Variants in PSD3 observed in about 807,000 individuals in gnomAD.
The protein encoded by PSD3 is PH and SEC7 domain-containing protein 3.
In PSD3, 49 loss-of-function variants were observed where a neutral mutation model predicts 105.5. The ratio of observed to expected loss-of-function variants is 0.46; its 90% confidence interval spans 0.37 to 0.59. PSD3 has a LOEUF of 0.59. Ranked by LOEUF, PSD3 falls within the 20% of genes least tolerant of loss-of-function variation. The pLI, the probability that PSD3 is intolerant of heterozygous loss-of-function variation, is 0.00. For missense variants in PSD3, 1,561 were observed against 1,263.8 expected (o/e 1.24, Z -3.57); for synonymous variants, 557 against 457.8 (o/e 1.22, Z -2.77).
At chr8:18,807,852 T>C (rs1563295368) in intron 4 of PSD3, among the ~76,000 whole-genome samples, 1 of 152,190 alleles carries the variant, frequency 6.6e-6, no homozygotes, top group Non-Finnish European at 1.5e-5. Flanking sequence ...AAACCTGTAA[T>C]CCCTGCACAC....
At chr8:18,556,541 G>A (rs1801085997) in intron 14 of PSD3, among the ~76,000 whole-genome samples, 189 bp from the exon 15 acceptor site, 1 of 152,222 alleles carries the variant, frequency 6.6e-6, no homozygotes. Context: ...TCCTTCCCGG[G>A]ATGGCAATCA....
intron 1 of PSD3, among the ~76,000 whole-genome samples, chr8:19,078,957 TC>T (rs1034483817): frequency 3.3e-5 from 5 of 151,820 alleles, no homozygotes; most frequent in Admixed American, 6.6e-5. Flanking sequence ...AGCCCCTGTG[TC>T]CCAGCTCCCA....
At chr8:18,677,512 T>G (rs889008558) in intron 9 of PSD3, among the ~76,000 whole-genome samples, 1 of 152,198 alleles carries the variant, frequency 6.6e-6, no homozygotes, top group African/African-American at 2.4e-5. Flanking sequence ...GCCATTGCAC[T>G]CTGGCCTAGA....
chr8:18,698,582 G>A (rs1325460162), intron 9 of PSD3, among the ~76,000 whole-genome samples: 1 of 152,092 alleles, frequency 6.6e-6, no homozygotes, highest in African/African-American at 2.4e-5. Flanking sequence ...TTCTCCCCTC[G>A]AGCCTCCAGA....
chr8:18,598,704 T>G (rs1179365370), intron 12 of PSD3, among the ~76,000 whole-genome samples: 2 of 152,120 alleles, frequency 1.3e-5, no homozygotes, highest in Non-Finnish European at 2.9e-5. Context: ...TCAGCAAAGT[T>G]GCAGGATACA....
intron 1 of PSD3, among the ~76,000 whole-genome samples, chr8:19,080,065 T>A (rs1829593968): frequency 1.3e-5 from 2 of 152,108 alleles, no homozygotes; most frequent in Non-Finnish European, 2.9e-5. Flanking sequence ...AATTTTTATA[T>A]TTCTAGTAGA....
intron 1 of PSD3, among the ~76,000 whole-genome samples, chr8:19,058,168 G>C (rs73589538): frequency 6.6e-6 from 1 of 152,134 alleles, no homozygotes. Context: ...GAGATTTGCT[G>C]AGTGAAAGAA....
intron 1 of PSD3, among the ~76,000 whole-genome samples, chr8:18,967,870 G>A (rs1236949402): frequency 1.3e-5 from 2 of 152,200 alleles, no homozygotes; most frequent in African/African-American, 2.4e-5. Flanking sequence ...CTTTTTCCAA[G>A]TGCTCAGAAT....
At chr8:18,974,512 C>T (rs1824822478) in intron 1 of PSD3, among the ~76,000 whole-genome samples, 1 of 152,142 alleles carries the variant, frequency 6.6e-6, no homozygotes, top group Non-Finnish European at 1.5e-5. Context: ...CTTTCCACTA[C>T]CAAATCCTGT....
chr8:18,889,879 A>C (rs1165029510), intron 2 of PSD3, among the ~76,000 whole-genome samples: 1 of 152,238 alleles, frequency 6.6e-6, no homozygotes, highest in East Asian at 1.9e-4. Context: ...ATGTATTTCC[A>C]GACTCGAAAG....
At chr8:18,565,739 G>A (rs1302938802) in intron 14 of PSD3, among the ~76,000 whole-genome samples, 1 of 152,068 alleles carries the variant, frequency 6.6e-6, no homozygotes, top group Non-Finnish European at 1.5e-5. Context: ...GGAGTATGGG[G>A]AAAAAAAGAT....
chr8:18,785,804 A>G (rs1809087197), intron 8 of PSD3, among the ~76,000 whole-genome samples: 1 of 152,152 alleles, frequency 6.6e-6, no homozygotes, highest in African/African-American at 2.4e-5. Context: ...TAATTTCAAT[A>G]CTGTTGTGTC....
chr8:18,662,067 C>T (rs555580417), intron 9 of PSD3, among the ~76,000 whole-genome samples: 19 of 151,714 alleles, frequency 1.3e-4, no homozygotes, highest in Admixed American at 1.1e-3. Flanking sequence ...AAATCTGTAT[C>T]TCGGGCAATT....
chr8:18,767,967 T>C (rs1374473368), intron 8 of PSD3, among the ~76,000 whole-genome samples: 9 of 151,204 alleles, frequency 6.0e-5, no homozygotes, highest in African/African-American at 1.7e-4. Flanking sequence ...CTTCTGGAGA[T>C]AGACTTTTAA....
At chr8:18,980,493 AATCTTTT>A (rs1825196718) in intron 1 of PSD3, among the ~76,000 whole-genome samples, 1 of 152,114 alleles carries the variant, frequency 6.6e-6, no homozygotes, top group African/African-American at 2.4e-5. Context: ...TCAGTCTGAC[AATCTTTT>A]ATCTTTTAAT....
intron 1 of PSD3, among the ~76,000 whole-genome samples, chr8:18,963,191 C>T (rs546698350): frequency 1.3e-5 from 2 of 152,200 alleles, no homozygotes; most frequent in African/African-American, 2.4e-5. Flanking sequence ...ATGGGGGAAC[C>T]GCCCCCATGA....
At chr8:18,547,685 C>A (rs537605028) in intron 15 of PSD3, among the ~76,000 whole-genome samples, 4 of 152,180 alleles carry the variant, frequency 2.6e-5, no homozygotes, top group Non-Finnish European at 5.9e-5. Flanking sequence ...ATCTTGCAGA[C>A]ATCACTTCTC....
intron 1 of PSD3, among the ~76,000 whole-genome samples, chr8:19,033,386 C>G (rs2129476346): frequency 6.6e-6 from 1 of 152,108 alleles, no homozygotes; most frequent in East Asian, 1.9e-4. Flanking sequence ...TGGTATTTTT[C>G]TTTTGTCTTT....
intron 1 of PSD3, among the ~76,000 whole-genome samples, chr8:19,012,566 GGCCAGAA>G (rs1827001926): frequency 6.6e-6 from 1 of 152,146 alleles, no homozygotes; most frequent in Non-Finnish European, 1.5e-5. Context: ...CAAGCCCGGA[GGCCAGAA>G]GCTTCCTCTG....
Sources: allele counts gnomAD v4.1 joint callset (sites outside exome capture counted in the v4.1 genomes callset), GRCh38; gene constraint gnomAD v4.1.1; transcripts MANE v1.5; gene names NCBI Gene and HGNC (gene_info 2026-07-23, HGNC 2026-07-21).